SPSB4: variants seen among roughly 807,000 people sequenced by gnomAD.
SPSB4 encodes splA/ryanodine receptor domain and SOCS box containing 4.
Under a neutral mutation model 20.9 loss-of-function variants are expected in SPSB4, and 21 were observed. The ratio of observed to expected loss-of-function variants is 1.01; its 90% CI spans 0.71 to 1.45. The LOEUF (loss-of-function observed/expected upper bound fraction) is 1.45. Ranked by LOEUF, SPSB4 falls within the 40% of genes most tolerant of loss-of-function variation. The probability of loss-of-function intolerance (pLI) is 0.00; values close to 1 mark genes in which losing one functional copy is unlikely to be tolerated. For missense variants in SPSB4, 399 were observed against 399.2 expected, an observed-to-expected ratio of 1.00 and a Z score of 0.00; for synonymous variants, 207 against 183.8, an observed-to-expected ratio of 1.13 and a Z score of -1.02.
intron 2 of SPSB4, among the ~76,000 whole-genome samples, chr3:141,133,478 A>G (rs1172982814): frequency 6.6e-6 from 1 of 152,150 alleles, no homozygotes; most frequent in Non-Finnish European, 1.5e-5. Flanking sequence ...ATAAGATGAG[A>G]GATGAGGATC....
chr3:141,064,004 T>C (rs1937816273), intron 1 of SPSB4, among the ~76,000 whole-genome samples: 1 of 152,228 alleles, frequency 6.6e-6, no homozygotes, highest in African/African-American at 2.4e-5. Flanking sequence ...GGGTCTGTGG[T>C]TTCCTCTGTT....
At chr3:141,074,821 T>C (rs1357322779) in intron 2 of SPSB4, among the ~76,000 whole-genome samples, 1 of 152,164 alleles carries the variant, frequency 6.6e-6, no homozygotes, top group African/African-American at 2.4e-5. Context: ...CTTGGTCTAG[T>C]TGTGGGCTGG....
chr3:141,055,785 G>C (rs1184233467), intron 1 of SPSB4, among the ~76,000 whole-genome samples: 1 of 152,210 alleles, frequency 6.6e-6, no homozygotes, highest in East Asian at 1.9e-4. Context: ...ATGGACCACA[G>C]ATGTCCCGCA....
intron 2 of SPSB4, among the ~76,000 whole-genome samples, chr3:141,106,758 G>A (rs1024373967): frequency 5.3e-5 from 8 of 152,086 alleles, no homozygotes; most frequent in African/African-American, 1.4e-4. Context: ...TTCTTCCTTC[G>A]TGTCTAGTGG....
intron 1 of SPSB4, among the ~76,000 whole-genome samples, chr3:141,060,609 T>G (rs942782237): frequency 2.0e-5 from 3 of 152,242 alleles, no homozygotes; most frequent in African/African-American, 4.8e-5. Flanking sequence ...GGTAGTTTTG[T>G]GCATTTGAGA....
chr3:141,094,962 T>C (rs72981989), intron 2 of SPSB4, among the ~76,000 whole-genome samples: 33,100 of 151,526 alleles, frequency 0.22, 4,998 homozygotes, highest in African/African-American at 0.43. Context: ...GCTGCACTGC[T>C]CCTCCCAGAG....
rs78817185 is a variant in SPSB4 at position 141,086,069 on chromosome 3, A to G, written c.694+19271A>G. Among the ~76,000 whole-genome samples the G allele has an allele frequency of 6.0e-4, 91 of 152,358 alleles. 1 individual carries two copies. In the East Asian group the frequency reaches 0.013, roughly 23 times the overall value. ...AATACAATGTCACTAATGTAGCTGC[A>G]GCCTCATCCCCTGGTGAGAGGTTTT... On this transcript the variant is annotated intron_variant, in intron 2 of 2. Coordinates refer to ENST00000310546, the MANE Select transcript of SPSB4 (RefSeq NM_080862.3).
intron 2 of SPSB4, among the ~76,000 whole-genome samples, chr3:141,141,848 C>T (rs897499995): frequency 1.3e-5 from 2 of 152,124 alleles, no homozygotes; most frequent in African/African-American, 4.8e-5. Flanking sequence ...TGTTAATAAT[C>T]CCCATGAATG....
intron 2 of SPSB4, among the ~76,000 whole-genome samples, chr3:141,097,785 C>T (rs1938567007): frequency 1.3e-5 from 2 of 152,052 alleles, no homozygotes; most frequent in Non-Finnish European, 1.5e-5. Context: ...CTCTGATTGG[C>T]TGGCAGATTG....
chr3:141,083,408 T>C (rs549291561), intron 2 of SPSB4, among the ~76,000 whole-genome samples: 12 of 152,198 alleles, frequency 7.9e-5, no homozygotes, highest in African/African-American at 2.9e-4. Flanking sequence ...CCAGGGCGTG[T>C]CCAGCAGAAG....
At chr3:141,132,683 G>T (rs543259187) in intron 2 of SPSB4, among the ~76,000 whole-genome samples, 1 of 151,040 alleles carries the variant, frequency 6.6e-6, no homozygotes, top group East Asian at 1.9e-4. Context: ...ATCATATTTG[G>T]TTTATCCACT....
chr3:141,110,945 A>T (rs1481113204), intron 2 of SPSB4, among the ~76,000 whole-genome samples: 1 of 152,228 alleles, frequency 6.6e-6, no homozygotes, highest in Non-Finnish European at 1.5e-5. Context: ...CAGGGATTTG[A>T]ACTGTCAGCT....
intron 2 of SPSB4, among the ~76,000 whole-genome samples, chr3:141,075,697 C>G (rs1338924168): frequency 5.9e-5 from 9 of 152,014 alleles, no homozygotes; most frequent in Non-Finnish European, 1.0e-4. Flanking sequence ...CTTATCCCCA[C>G]GCCCCACCAT....
At chr3:141,075,357 CCAT>C (rs1414409796) in intron 2 of SPSB4, among the ~76,000 whole-genome samples, 1 of 152,128 alleles carries the variant, frequency 6.6e-6, no homozygotes, top group African/African-American at 2.4e-5. Context: ...GCCGCTCAGA[CCAT>C]ACAACCAGGG....
At chr3:141,064,947 T>G (rs771953155) in intron 1 of SPSB4, among the ~76,000 whole-genome samples, 1 of 152,090 alleles carries the variant, frequency 6.6e-6, no homozygotes, top group Non-Finnish European at 1.5e-5. Context: ...AACAAAGAGC[T>G]CACCCATCCA....
chr3:141,111,068 AG>A (rs1489507923), intron 2 of SPSB4, among the ~76,000 whole-genome samples: 2 of 152,232 alleles, frequency 1.3e-5, no homozygotes, highest in African/African-American at 4.8e-5. Flanking sequence ...TATCCTAATT[AG>A]GCAAGTCATT....
intron 2 of SPSB4, among the ~76,000 whole-genome samples, chr3:141,070,636 C>T (rs1478153624): frequency 6.6e-6 from 1 of 152,222 alleles, no homozygotes; most frequent in Non-Finnish European, 1.5e-5. Context: ...ACCTCTGCCT[C>T]CCAAAGCACT....
chr3:141,108,956 G>A (rs1387832882), intron 2 of SPSB4, among the ~76,000 whole-genome samples: 1 of 152,218 alleles, frequency 6.6e-6, no homozygotes, highest in Non-Finnish European at 1.5e-5. Context: ...ACGAGGAAGA[G>A]AGCAGTCAGC....
chr3:141,077,918 A>C (rs1277999441), intron 2 of SPSB4, among the ~76,000 whole-genome samples: 3 of 152,136 alleles, frequency 2.0e-5, no homozygotes, highest in Non-Finnish European at 4.4e-5. Context: ...CCGCTCAGGC[A>C]CCCCATCACT....
Sources: gnomAD v4.1 joint callset for allele counts (sites outside exome capture counted in the v4.1 genomes callset) on GRCh38, gnomAD v4.1.1 for gene constraint, MANE v1.5 for transcripts, NCBI Gene and HGNC (gene_info 2026-07-23, HGNC 2026-07-21) for gene names.